Variants in TYW1B observed in about 807,000 individuals in gnomAD.
The protein encoded by TYW1B is tRNA-yW synthesizing protein 1 homolog B, also known as S-adenosyl-L-methionine-dependent tRNA 4-demethylwyosine synthase TYW1B.
In TYW1B, 73 loss-of-function variants were observed where a neutral mutation model predicts 86.9. The observed-to-expected ratio is 0.84, with a 90% CI of 0.70 to 1.02. The LOEUF (loss-of-function observed/expected upper bound fraction) is 1.02. TYW1B is among the 50% of genes least tolerant of loss of function. TYW1B has a pLI of 0.00. For missense variants in TYW1B, 637 were observed against 827.4 expected (o/e 0.77, Z 2.82); for synonymous variants, 248 against 292.8 (o/e 0.85, Z 1.56).
intron 11 of TYW1B, among the ~76,000 whole-genome samples, chr7:72,640,952 A>C (rs782044840): frequency 5.3e-5 from 8 of 152,172 alleles, no homozygotes; most frequent in Non-Finnish European, 1.2e-4. Flanking sequence ...TAGAGAACAG[A>C]AAAACAACTG....
At chr7:72,621,046 GCTAT>G (rs1299180706) in intron 12 of TYW1B, among the ~76,000 whole-genome samples, 3 of 152,186 alleles carry the variant, frequency 2.0e-5, no homozygotes, top group South Asian at 4.1e-4. Context: ...CCATACTGTG[GCTAT>G]CTGAGCGTTC....
At chr7:72,726,567 T>G (rs1427300755) in intron 9 of TYW1B, among the ~76,000 whole-genome samples, 1 of 152,108 alleles carries the variant, frequency 6.6e-6, no homozygotes, top group Non-Finnish European at 1.5e-5. Flanking sequence ...TTTCACCATG[T>G]TGGCCAGGCT....
intron 11 of TYW1B, among the ~76,000 whole-genome samples, chr7:72,660,212 T>C (rs1813296915): frequency 6.6e-6 from 1 of 152,014 alleles, no homozygotes; most frequent in Non-Finnish European, 1.5e-5. Flanking sequence ...CTACTAAAAT[T>C]AAATTTTAAA....
chr7:72,675,060 G>A (rs1813703648), intron 11 of TYW1B, among the ~76,000 whole-genome samples: 1 of 151,984 alleles, frequency 6.6e-6, no homozygotes, highest in Admixed American at 6.6e-5. Flanking sequence ...GGAGGAAGGA[G>A]TTTGCTTGAA....
chr7:72,777,572 T>C (rs1171219613), intron 6 of TYW1B, 39 bp from the exon 7 acceptor site: 1 of 1,611,040 alleles, frequency 6.2e-7, no homozygotes, highest in Non-Finnish European at 8.5e-7. Flanking sequence ...GAATTGGCAA[T>C]GTGCAATGTA....
At chr7:72,775,135 A>C (rs1275390356) in intron 7 of TYW1B, among the ~76,000 whole-genome samples, 2 of 152,286 alleles carry the variant, frequency 1.3e-5, no homozygotes, top group African/African-American at 4.8e-5. Context: ...CAGAAGAAAG[A>C]ACTTTTTTTA....
rs561739207 is a variant in TYW1B at position 72,736,080 on chromosome 7, G to A, written c.1083-7149C>T. Among the ~76,000 whole-genome samples the A allele has an allele frequency of 4.6e-5, 7 of 152,220 alleles. No individual in the cohort carries two copies. The South Asian group carries it at 6.2e-4, about 14-fold the overall frequency. On this transcript the variant is annotated intron_variant, in intron 8 of 13. Coordinates refer to ENST00000620995, the MANE Select transcript of TYW1B (RefSeq NM_001145440.3). ...GTACACTCGCCAGCACTTCTGCCAC[G>A]AGAATACACTGAACAAAGGAGACAG...
At chr7:72,722,109 T>C (rs1426709711) in intron 9 of TYW1B, among the ~76,000 whole-genome samples, 1 of 152,224 alleles carries the variant, frequency 6.6e-6, no homozygotes, top group Non-Finnish European at 1.5e-5. Flanking sequence ...TTGATACAGA[T>C]ACTCCACTTG....
intron 6 of TYW1B, among the ~76,000 whole-genome samples, chr7:72,781,602 G>A (rs1173637077): frequency 6.6e-6 from 1 of 152,120 alleles, no homozygotes; most frequent in Non-Finnish European, 1.5e-5. Flanking sequence ...CCACTGCCCA[G>A]TAAAACAGTT....
chr7:72,593,817 A>T (rs12154629), intron 13 of TYW1B, among the ~76,000 whole-genome samples: 1 of 99,038 alleles, frequency 1.0e-5, no homozygotes, highest in African/African-American at 5.0e-5. Context: ...GCCAGACTCC[A>T]TCTAAAAAAA....
At chr7:72,632,902 A>G (rs1812576982) in intron 11 of TYW1B, among the ~76,000 whole-genome samples, 1 of 152,160 alleles carries the variant, frequency 6.6e-6, no homozygotes, top group Non-Finnish European at 1.5e-5. Flanking sequence ...GCTGGAGGGC[A>G]GCAAAGCTGG....
At chr7:72,666,371 A>G (rs1445786331) in intron 11 of TYW1B, among the ~76,000 whole-genome samples, 2 of 152,156 alleles carry the variant, frequency 1.3e-5, no homozygotes, top group African/African-American at 4.8e-5. Flanking sequence ...GGCTGCAGTG[A>G]GCTGTGATTG....
intron 10 of TYW1B, among the ~76,000 whole-genome samples, chr7:72,696,362 GATCAA>G (rs1814321209): frequency 6.6e-6 from 1 of 152,022 alleles, no homozygotes; most frequent in Non-Finnish European, 1.5e-5. Flanking sequence ...ATCATCTTCT[GATCAA>G]ATTCTCCCAA....
At chr7:72,664,645 T>C (rs1435932637) in intron 11 of TYW1B, among the ~76,000 whole-genome samples, 1 of 151,954 alleles carries the variant, frequency 6.6e-6, no homozygotes, top group Non-Finnish European at 1.5e-5. Flanking sequence ...AAAAAACAAA[T>C]GGGTAGCAGG....
chr7:72,613,447 G>T (rs183979387), intron 13 of TYW1B, among the ~76,000 whole-genome samples: 570 of 111,336 alleles, frequency 5.1e-3, no homozygotes, highest in Non-Finnish European at 7.6e-3. Context: ...TCACCCTTTC[G>T]CCCAGGCTGG....
chr7:72,641,633 G>A (rs1585869573), intron 11 of TYW1B, among the ~76,000 whole-genome samples: 1 of 152,110 alleles, frequency 6.6e-6, no homozygotes, highest in East Asian at 1.9e-4. Context: ...ACAGATTGGT[G>A]GTTATAAGGG....
intron 11 of TYW1B, among the ~76,000 whole-genome samples, chr7:72,645,817 T>C (rs1812916139): frequency 6.6e-6 from 1 of 152,002 alleles, no homozygotes; most frequent in Non-Finnish European, 1.5e-5. Flanking sequence ...ATTAACATTC[T>C]ATTTCTTGAG....
intron 8 of TYW1B, among the ~76,000 whole-genome samples, chr7:72,739,601 G>A (rs1447441336): frequency 8.3e-5 from 12 of 143,882 alleles, no homozygotes; most frequent in East Asian, 2.0e-4. Context: ...GTGAGACTCC[G>A]TCTCCAAAAA....
chr7:72,671,495 T>C (rs1289632284), intron 11 of TYW1B, among the ~76,000 whole-genome samples: 8 of 152,216 alleles, frequency 5.3e-5, no homozygotes, highest in Non-Finnish European at 1.2e-4. Context: ...TTACTAGATA[T>C]GAACTGTTGA....
Sources: allele counts gnomAD v4.1 joint callset (sites outside exome capture counted in the v4.1 genomes callset), GRCh38; gene constraint gnomAD v4.1.1; transcripts MANE v1.5; gene names NCBI Gene and HGNC (gene_info 2026-07-23, HGNC 2026-07-21).